The following RBFOX1 variants were observed in gnomAD, a reference collection of about 807,000 sequenced individuals.
RBFOX1 encodes the protein RNA binding protein fox-1 homolog 1.
In RBFOX1, 8 loss-of-function variants were observed where a neutral mutation model predicts 57.7. The observed-to-expected ratio is 0.14, with a 90% CI of 0.08 to 0.25. RBFOX1 has a LOEUF of 0.25. RBFOX1 is among the 10% of genes least tolerant of loss of function. The pLI is 1.00. For synonymous variants in RBFOX1, 326 were observed against 222.4 expected (o/e 1.47, Z -4.15); for missense variants, 611 against 548.5 (o/e 1.11, Z -1.14).
chr16:6,734,462 A>G (rs775602939), intron 3 of RBFOX1, among the ~76,000 whole-genome samples: 30 of 152,202 alleles, frequency 2.0e-4, no homozygotes, highest in Non-Finnish European at 3.7e-4. Flanking sequence ...GATAAAGGTC[A>G]TGGTATTGCC....
At chr16:7,490,467 C>G (rs1275457401) in intron 4 of RBFOX1, among the ~76,000 whole-genome samples, 1 of 152,178 alleles carries the variant, frequency 6.6e-6, no homozygotes, top group Non-Finnish European at 1.5e-5. Context: ...TCCAGCCAGC[C>G]AGGCTGTCTT....
intron 1 of RBFOX1, among the ~76,000 whole-genome samples, chr16:6,189,369 G>T (rs780237038): frequency 6.6e-6 from 1 of 152,210 alleles, no homozygotes. Flanking sequence ...TGGTTCACAG[G>T]TGTCTCTTTT....
At chr16:7,080,077 A>G (rs542750506) in intron 4 of RBFOX1, among the ~76,000 whole-genome samples, 1 of 142,966 alleles carries the variant, frequency 7.0e-6, no homozygotes, top group Admixed American at 6.9e-5. Context: ...ATACATATAT[A>G]CATATGTATA....
At chr16:7,309,750 G>A (rs947681231) in intron 4 of RBFOX1, among the ~76,000 whole-genome samples, 2 of 152,138 alleles carry the variant, frequency 1.3e-5, no homozygotes, top group African/African-American at 4.8e-5. Context: ...CCTGTGGAAG[G>A]GAACGAAATT....
chr16:5,898,524 G>C (rs1390557408), intron 4 of RBFOX1, among the ~76,000 whole-genome samples: 1 of 134,902 alleles, frequency 7.4e-6, no homozygotes. Flanking sequence ...ACAGTAGCAG[G>C]GTTTTTTTTT....
intron 1 of RBFOX1, among the ~76,000 whole-genome samples, chr16:6,139,791 C>T (rs2096700391): frequency 6.6e-6 from 1 of 151,572 alleles, no homozygotes; most frequent in African/African-American, 2.4e-5. Flanking sequence ...TTCTCCTTCT[C>T]CTGTCCTGTT....
intron 3 of RBFOX1, among the ~76,000 whole-genome samples, chr16:5,793,942 T>A (rs2054791208): frequency 6.6e-6 from 1 of 152,202 alleles, no homozygotes; most frequent in African/African-American, 2.4e-5. Context: ...CTCTCTGTGC[T>A]TCATTTTTTG....
intron 2 of RBFOX1, among the ~76,000 whole-genome samples, chr16:6,552,188 A>G (rs1026476231): frequency 1.3e-5 from 2 of 152,196 alleles, no homozygotes; most frequent in Admixed American, 6.5e-5. Flanking sequence ...GTAAATATAC[A>G]TACCTTTGAA....
At chr16:7,117,698 T>C (rs79956272) in intron 4 of RBFOX1, among the ~76,000 whole-genome samples, 3 of 152,228 alleles carry the variant, frequency 2.0e-5, no homozygotes, top group Non-Finnish European at 4.4e-5. Context: ...TCTTTTGTTA[T>C]CTAACAGTTT....
At chr16:6,491,187 T>G (rs1314490401) in intron 2 of RBFOX1, among the ~76,000 whole-genome samples, 2 of 151,940 alleles carry the variant, frequency 1.3e-5, no homozygotes, top group Non-Finnish European at 2.9e-5. Flanking sequence ...TCTATTTATA[T>G]GTACATATAA....
At chr16:7,458,993 G>C (rs953689302) in intron 4 of RBFOX1, among the ~76,000 whole-genome samples, 2 of 152,192 alleles carry the variant, frequency 1.3e-5, no homozygotes, top group African/African-American at 4.8e-5. Flanking sequence ...TTGAATATTT[G>C]TTGAATGATT....
intron 2 of RBFOX1, among the ~76,000 whole-genome samples, chr16:5,552,964 C>T (rs139263303): frequency 3.1e-4 from 47 of 152,170 alleles, no homozygotes; most frequent in African/African-American, 8.7e-4. Flanking sequence ...TAAAAAGGAT[C>T]AGTCCATGTC....
intron 4 of RBFOX1, among the ~76,000 whole-genome samples, chr16:7,109,514 AC>A (rs1310333199): frequency 6.6e-6 from 1 of 152,110 alleles, no homozygotes; most frequent in Admixed American, 6.6e-5. Flanking sequence ...CAGGTGAGTG[AC>A]AGAGTGACTC....
chr16:6,919,809 C>G (rs1003792873), intron 3 of RBFOX1, among the ~76,000 whole-genome samples: 18 of 102,552 alleles, frequency 1.8e-4, no homozygotes, highest in South Asian at 3.1e-4. Context: ...TTCAATAGTT[C>G]TGGGAGAACA....
intron 1 of RBFOX1, among the ~76,000 whole-genome samples, chr16:5,374,126 C>T (rs1218392090): frequency 6.6e-6 from 1 of 152,202 alleles, no homozygotes; most frequent in African/African-American, 2.4e-5. Flanking sequence ...TTAGTAGAGA[C>T]AGGGTTTCAC....
chr16:5,767,010 T>C (rs552172345), intron 3 of RBFOX1, among the ~76,000 whole-genome samples: 1 of 152,348 alleles, frequency 6.6e-6, no homozygotes, highest in Non-Finnish European at 1.5e-5. Context: ...TTAGTTTGCT[T>C]CTGGGTGTTG....
chr16:6,115,617 A>C (rs1280320676), intron 1 of RBFOX1, among the ~76,000 whole-genome samples: 1 of 152,284 alleles, frequency 6.6e-6, no homozygotes, highest in East Asian at 1.9e-4. Flanking sequence ...AGTATAGCAT[A>C]TCTTTACTCT....
At chr16:5,474,452 G>C (rs975763001) in intron 2 of RBFOX1, among the ~76,000 whole-genome samples, 1 of 152,106 alleles carries the variant, frequency 6.6e-6, no homozygotes, top group Non-Finnish European at 1.5e-5. Flanking sequence ...TCAGGAGTTC[G>C]AGACCAGCCT....
chr16:5,991,645 G>GTTTTTTTTTTTTTTTTTTTTTTT (rs60004233), intron 4 of RBFOX1, among the ~76,000 whole-genome samples: 1 of 123,932 alleles, frequency 8.1e-6, no homozygotes, highest in Non-Finnish European at 1.8e-5. Flanking sequence ...TTATTAGATA[G>GTTTTTTTTTTTTTTTTTTTTTTT]TTTTTTTTTT....
Sources: gnomAD v4.1 joint callset for allele counts (sites outside exome capture counted in the v4.1 genomes callset) on GRCh38, gnomAD v4.1.1 for gene constraint, MANE v1.5 for transcripts, NCBI Gene and HGNC (gene_info 2026-07-23, HGNC 2026-07-21) for gene names.